KSR2: variants seen among roughly 807,000 people sequenced by gnomAD.
KSR2 encodes the protein kinase suppressor of ras 2.
A neutral mutation model predicts 107.8 loss-of-function variants in KSR2; 25 were observed. The observed-to-expected ratio is 0.23, with a 90% CI of 0.17 to 0.32. The LOEUF is 0.32. Ranked by LOEUF, KSR2 falls within the 10% of genes least tolerant of loss-of-function variation. The pLI, the probability that KSR2 is intolerant of heterozygous loss-of-function variation, is 1.00. For synonymous variants in KSR2, 480 were observed against 507.0 expected (o/e 0.95, Z 0.71); for missense variants, 887 against 1,268.9 (o/e 0.70, Z 4.57).
chr12:117,629,280 G>A (rs1197329924), intron 5 of KSR2, among the ~76,000 whole-genome samples: 4 of 152,196 alleles, frequency 2.6e-5, no homozygotes, highest in Admixed American at 2.0e-4. Flanking sequence ...CGTCTTCTGC[G>A]TCGATCATGC....
chr12:117,659,305 T>C (rs1884322641), intron 5 of KSR2, among the ~76,000 whole-genome samples: 1 of 152,202 alleles, frequency 6.6e-6, no homozygotes, highest in African/African-American at 2.4e-5. Context: ...TACTGCATGC[T>C]GAGCCCAAAC....
intron 17 of KSR2, among the ~76,000 whole-genome samples, chr12:117,475,795 G>C (rs1366002076): frequency 6.6e-6 from 1 of 152,200 alleles, no homozygotes; most frequent in Non-Finnish European, 1.5e-5. Flanking sequence ...ACAGCATATG[G>C]TAGGAGCAAT....
chr12:117,751,023 A>T (rs1459574178), intron 4 of KSR2, among the ~76,000 whole-genome samples: 1 of 152,164 alleles, frequency 6.6e-6, no homozygotes, highest in African/African-American at 2.4e-5. Flanking sequence ...CTCAAATCTC[A>T]TCTTGAATTA....
chr12:117,762,526 A>G (rs374938904), intron 3 of KSR2, among the ~76,000 whole-genome samples: 1 of 152,190 alleles, frequency 6.6e-6, no homozygotes, highest in African/African-American at 2.4e-5. Context: ...AGGATTTCAC[A>G]TGGTTATTGG....
intron 4 of KSR2, among the ~76,000 whole-genome samples, chr12:117,717,905 C>A (rs974541050): frequency 6.6e-6 from 1 of 152,110 alleles, no homozygotes; most frequent in Non-Finnish European, 1.5e-5. Flanking sequence ...TCTGGAACTA[C>A]TTGAGACACA....
intron 1 of KSR2, among the ~76,000 whole-genome samples, chr12:117,937,588 A>C (rs896594737): frequency 6.6e-6 from 1 of 152,228 alleles, no homozygotes; most frequent in Non-Finnish European, 1.5e-5. Context: ...TCCTATAATA[A>C]GGAGATGAGG....
chr12:117,492,141 G>A (rs1343199601), intron 14 of KSR2, among the ~76,000 whole-genome samples: 1 of 152,184 alleles, frequency 6.6e-6, no homozygotes, highest in Non-Finnish European at 1.5e-5. Flanking sequence ...TCCCAGCCTG[G>A]CCTCAGGCAG....
At chr12:117,577,547 A>G (rs1157315001) in intron 7 of KSR2, among the ~76,000 whole-genome samples, 2 of 152,220 alleles carry the variant, frequency 1.3e-5, no homozygotes, top group Non-Finnish European at 2.9e-5. Flanking sequence ...CATACCCATG[A>G]CAGGGTGATT....
intron 1 of KSR2, among the ~76,000 whole-genome samples, chr12:117,919,963 C>A (rs1895291615): frequency 6.6e-6 from 1 of 152,174 alleles, no homozygotes; most frequent in African/African-American, 2.4e-5. Flanking sequence ...CTATAGATTA[C>A]AATGTAGCAC....
At chr12:117,924,572 CAAAAAAAAAAAAAA>C (rs58789868) in intron 1 of KSR2, among the ~76,000 whole-genome samples, 1 of 39,532 alleles carries the variant, frequency 2.5e-5, no homozygotes, top group Non-Finnish European at 4.9e-5. Flanking sequence ...AGCTCCATCT[CAAAAAAAAAAAAAA>C]AAAAAAAAAA....
At chr12:117,722,453 G>A (rs1887248539) in intron 4 of KSR2, among the ~76,000 whole-genome samples, 1 of 152,200 alleles carries the variant, frequency 6.6e-6, no homozygotes, top group Admixed American at 6.5e-5. Flanking sequence ...TCAAGACCTT[G>A]CTGATAAAAC....
intron 3 of KSR2, among the ~76,000 whole-genome samples, chr12:117,812,634 G>C (rs537838185): frequency 6.6e-6 from 1 of 151,602 alleles, no homozygotes; most frequent in Non-Finnish European, 1.5e-5. Flanking sequence ...ATAAAACACT[G>C]AAAAAAGAAA....
intron 19 of KSR2, chr12:117,467,912 GTCCT>G: frequency 2.4e-5 from 5 of 204,970 alleles, no homozygotes; most frequent in South Asian, 5.1e-5. Flanking sequence ...CTAGACCACA[GTCCT>G]GTGTTTTTTT....
At chr12:117,950,541 C>G (rs2137567652) in intron 1 of KSR2, among the ~76,000 whole-genome samples, 1 of 151,672 alleles carries the variant, frequency 6.6e-6, no homozygotes, top group Admixed American at 6.6e-5. Context: ...TGGAGACCAG[C>G]CTGGGCAACA....
chr12:117,674,313 G>T (rs754762866), intron 4 of KSR2: 3 of 507,426 alleles, frequency 5.9e-6, no homozygotes, highest in Non-Finnish European at 1.2e-5. Flanking sequence ...CGCTGGAATC[G>T]CAGACTCACT....
intron 3 of KSR2, among the ~76,000 whole-genome samples, chr12:117,811,261 A>G (rs1891181162): frequency 6.6e-6 from 1 of 152,174 alleles, no homozygotes; most frequent in African/African-American, 2.4e-5. Context: ...ACAGGTGACA[A>G]TGGGACGTGA....
At chr12:117,658,303 G>A (rs568987041) in intron 5 of KSR2, among the ~76,000 whole-genome samples, 4 of 152,196 alleles carry the variant, frequency 2.6e-5, no homozygotes, top group African/African-American at 9.6e-5. Context: ...GATTGGATTT[G>A]GGTCAAAGTG....
chr12:117,626,547 T>C (rs1487437428), intron 5 of KSR2, among the ~76,000 whole-genome samples: 1 of 152,238 alleles, frequency 6.6e-6, no homozygotes, highest in Non-Finnish European at 1.5e-5. Context: ...AGTTCTAATT[T>C]GATTGCACTG....
chr12:117,469,520 T>C (rs1871314031), intron 19 of KSR2, 142 bp downstream of exon 19: 2 of 922,966 alleles, frequency 2.2e-6, no homozygotes, highest in Non-Finnish European at 3.3e-6. Context: ...AGAAACCTAG[T>C]AGGGAAGAGT....
Sources: gnomAD v4.1 joint callset for allele counts (sites outside exome capture counted in the v4.1 genomes callset) on GRCh38, gnomAD v4.1.1 for gene constraint, MANE v1.5 for transcripts, NCBI Gene and HGNC (gene_info 2026-07-23, HGNC 2026-07-21) for gene names.